Variants in RPL10A observed in about 807,000 individuals in gnomAD.
The protein encoded by RPL10A is ribosomal protein L10a.
Under a neutral mutation model 24.6 loss-of-function variants are expected in RPL10A, and 11 were observed. That is an observed-to-expected ratio of 0.45 (90% CI 0.28 to 0.74). RPL10A has a LOEUF of 0.74. Ranked by LOEUF, RPL10A falls within the 30% of genes least tolerant of loss-of-function variation. The probability of loss-of-function intolerance (pLI) is 0.13; values close to 1 mark genes in which losing one functional copy is unlikely to be tolerated. For synonymous variants in RPL10A, 98 were observed against 108.5 expected, an observed-to-expected ratio of 0.90 and a Z score of 0.60; for missense variants, 136 against 273.1, an observed-to-expected ratio of 0.50 and a Z score of 3.54.
rs775452547 is a variant in RPL10A at position 35,470,479 on chromosome 6, C to T, written c.484-101C>T. 2.7e-6 allele frequency: 4 copies of T among 1,497,796 alleles called. No individual in the cohort carries two copies. The highest frequency in any genetic ancestry group is 1.8e-6 in the Non-Finnish European group (2 of 1,097,076). 92.8% of individuals were successfully genotyped at this position (1,497,796 alleles called of 1,614,324 possible). ...CTTTTGGAGTAACCCTGGTCTTGGC[C>T]CGGGTCCAAGTACCTGCTCACCAGG... On this transcript the variant is annotated intron_variant, in intron 5 of 5. Coordinates refer to ENST00000322203, the MANE Select transcript of RPL10A (RefSeq NM_007104.5). This position sits in a 1 kb window ranked among gnomAD's most constrained non-coding sequence, Gnocchi z 4.6.
At chr6:35,469,641 C>A in intron 4 of RPL10A, 112 bp downstream of exon 4, 1 of 1,276,932 alleles carries the variant, frequency 7.8e-7, no homozygotes, top group Non-Finnish European at 1.1e-6. Flanking sequence ...AGCAAAGGAT[C>A]GGCGGTGGTT....
chr6:35,469,070 G>A lies in RPL10A; in HGVS notation c.161+43G>A, dbSNP rs964893929. On this transcript the variant is annotated intron_variant, in intron 3 of 5. Transcript: ENST00000322203. ...CCCACCCAGCCCTCAGTGCCCCCGT[G>A]CTTGCCCCTCCCCTGCAGGCTCCCG... 2.5e-6 allele frequency: 4 copies of A among 1,606,554 alleles called. No individual in the cohort carries two copies. In the African/African-American group the frequency reaches 4.0e-5, roughly 16 times the overall value.
intron 3 of RPL10A, 54 bp downstream of exon 3, chr6:35,469,081 C>T: frequency 1.2e-6 from 2 of 1,601,962 alleles, no homozygotes; most frequent in Non-Finnish European, 1.7e-6. Context: ...CTTGCCCCTC[C>T]CCTGCAGGCT....
chr6:35,469,885 T>C (rs1037412924), intron 4 of RPL10A, among the ~76,000 whole-genome samples: 2 of 152,118 alleles, frequency 1.3e-5, no homozygotes, highest in African/African-American at 4.8e-5. Context: ...AGCTAAGAAA[T>C]AGGCAGAATT....
chr6:35,470,773 T>G lies in RPL10A; in HGVS notation c.*23T>G, dbSNP rs750162268. 3 of 1,596,120 alleles carry G rather than the reference T, an allele frequency of 1.9e-6. No individual in the cohort carries two copies. The highest frequency in any genetic ancestry group is 2.5e-6 in the Non-Finnish European group (3 of 1,177,338). ...TAAGGCACATTTGAATAAATTCTAT[T>G]ACCAGTTCCCTCTGTCTGCCTGTGA... On this transcript the variant is annotated 3_prime_UTR_variant, in exon 6 of 6. Coordinates refer to ENST00000322203, the MANE Select transcript of RPL10A (RefSeq NM_007104.5). The surrounding 1 kb of genome is among the most constrained non-coding windows in gnomAD (Gnocchi z 4.6).
intron 1 of RPL10A, 160 bp from the exon 2 acceptor site, chr6:35,468,633 TTGGGTC>T: frequency 6.6e-7 from 1 of 1,521,276 alleles, no homozygotes; most frequent in South Asian, 1.2e-5. Flanking sequence ...CCACCGGGGC[TTGGGTC>T]TGGGTCTGAG....
At chr6:35,469,129 G>A in intron 3 of RPL10A, 102 bp downstream of exon 3, 3 of 1,546,934 alleles carry the variant, frequency 1.9e-6, no homozygotes, top group African/African-American at 1.4e-5. Flanking sequence ...GTACTGATGT[G>A]CTAGGGTAGT....
At position 35,468,507 on chromosome 6, in the gene RPL10A, T is replaced by A. The variant is rs1767912452; in HGVS notation, c.5+68T>A. On this transcript the variant is annotated intron_variant, in intron 1 of 5. Transcript: ENST00000322203. The stretch of plus-strand genomic sequence containing the variant: ...TCAGGTGCCCCGCCGAGGGTTCGGA[T>A]CCTGTAGGCCGCGCCGCGGACCCTT... 3.1e-6 allele frequency: 5 copies of A among 1,611,110 alleles called. No homozygotes were observed. In the African/African-American group the frequency reaches 4.1e-5, roughly 13 times the overall value.
chr6:35,470,168 C>G lies in RPL10A; in HGVS notation c.311-11C>G. ...TTCTAAGCAATGCCAATGGCTTCCTCTCTCTATCAGCCAAGAAGTATGATG... is the reference window on the plus strand; with the variant it reads ...TTCTAAGCAATGCCAATGGCTTCCTGTCTCTATCAGCCAAGAAGTATGATG... On this transcript the variant is annotated splice_polypyrimidine_tract_variant and intron_variant, in intron 4 of 5. Coordinates refer to ENST00000322203, the MANE Select transcript of RPL10A (RefSeq NM_007104.5). The surrounding 1 kb of genome is among the most constrained non-coding windows in gnomAD (Gnocchi z 4.6). 1.2e-6 allele frequency: 2 copies of G among 1,609,052 alleles called. No individual in the cohort carries two copies. The highest frequency in any genetic ancestry group is 1.7e-6 in the Non-Finnish European group (2 of 1,176,504).
rs2150908183 is a variant in RPL10A, at chr6:35,470,471, G to T, written c.484-109G>T. The T allele has an allele frequency of 2.0e-6, 3 of 1,494,794 alleles. No individual in the cohort carries two copies. Among genetic ancestry groups the T allele is most frequent in the Admixed American group, 1.9e-5 (1 of 54,026 alleles). 92.6% of individuals were successfully genotyped at this position (1,494,794 alleles called of 1,614,324 possible). On this transcript the variant is annotated intron_variant, in intron 5 of 5. Coordinates refer to ENST00000322203, the MANE Select transcript of RPL10A (RefSeq NM_007104.5). The surrounding 1 kb of genome is among the most constrained non-coding windows in gnomAD (Gnocchi z 4.6). ...GATTGAAACTTTTGGAGTAACCCTG[G>T]TCTTGGCCCGGGTCCAAGTACCTGC... is the stretch of plus-strand genomic sequence containing the variant.
intron 1 of RPL10A, 39 bp downstream of exon 1, chr6:35,468,478 G>C: frequency 1.2e-6 from 2 of 1,613,684 alleles, no homozygotes; most frequent in South Asian, 1.1e-5. Flanking sequence ...GTTCATCCGC[G>C]CCTTCAGGTG....
Position 35,469,405 on chromosome 6 carries a change from G to C in RPL10A, c.186G>C (p.Lys62Asn). 1 of 1,611,360 alleles carries C rather than the reference G, an allele frequency of 6.2e-7. No individual in the cohort carries two copies. Among genetic ancestry groups the C allele is most frequent in the South Asian group, 1.1e-5 (1 of 90,834 alleles). Reference protein sequence around the residue: ...TVRLKSTPRPKFSVCVLGDQQ... With the variant: ...TVRLKSTPRPNFSVCVLGDQQ... ...GGCTTAAGTCCACTCCCCGCCCTAA[G>C]TTCTCTGTGTGTGTCCTGGGGGACC... The change falls in exon 4 of 6, where the codon AAG (lysine) becomes AAC (asparagine). Residue 62 changes from lysine to asparagine, a missense_variant. Physicochemically the swap from Lys to Asn is moderately conservative, Grantham distance 94 (BLOSUM62 0). Transcript: ENST00000322203.
Position 35,468,940 on chromosome 6 carries a change from C to T in RPL10A, c.81-7C>T. 1.2e-6 allele frequency: 2 copies of T among 1,613,962 alleles called. No individual in the cohort carries two copies. Among genetic ancestry groups the T allele is most frequent in the South Asian group, 2.2e-5 (2 of 91,080 alleles). On this transcript the variant is annotated splice_region_variant and splice_polypyrimidine_tract_variant and intron_variant, in intron 2 of 5. Coordinates refer to ENST00000322203, the MANE Select transcript of RPL10A (RefSeq NM_007104.5). The stretch of plus-strand genomic sequence containing the variant: ...GGCGGGTGCTTAACCCCCCTCCTCT[C>T]TCGAAGGTTCCTGGAGACGGTGGAG...
chr6:35,469,679 C>G (rs1767984852), intron 4 of RPL10A, 150 bp downstream of exon 4: 1 of 927,474 alleles, frequency 1.1e-6, no homozygotes, highest in South Asian at 1.8e-5. Context: ...GCTGTTTTAG[C>G]TTTGGGGTGG....
rs761240668 is a variant in RPL10A, at chr6:35,468,969, C to A, written c.103C>A (p.Gln35Lys). The A allele has an allele frequency of 1.2e-6, 2 of 1,613,896 alleles. No homozygotes were observed. The highest frequency in any genetic ancestry group is 2.2e-5 in the South Asian group (2 of 91,076). Residue 35 changes from glutamine to lysine, a missense_variant, in exon 3 of 6, where the codon CAG becomes AAG. Coordinates refer to ENST00000322203, the MANE Select transcript of RPL10A (RefSeq NM_007104.5). ...RRKFLETVEL[Q>K]ISLKNYDPQK... ...AAGGTTCCTGGAGACGGTGGAGTTG[C>A]AGATCAGCTTGAAGAACTATGATCC... is the stretch of plus-strand genomic sequence containing the variant.
At chr6:35,469,240 C>A in intron 3 of RPL10A, 141 bp from the exon 4 acceptor site, 1 of 1,491,284 alleles carries the variant, frequency 6.7e-7, no homozygotes. Flanking sequence ...GCCCGCCGGC[C>A]AGCCTGAGAA....
chr6:35,468,610 G>A, intron 1 of RPL10A, 171 bp downstream of exon 1: 2 of 1,538,304 alleles, frequency 1.3e-6, no homozygotes, highest in Non-Finnish European at 8.7e-7. Context: ...CGATCACTGA[G>A]AGCCTCCCTC....
chr6:35,468,977 C>G lies in RPL10A; in HGVS notation c.111C>G (p.Ser37Arg). The G allele has an allele frequency of 6.2e-7, 1 of 1,613,788 alleles. No individual in the cohort carries two copies. Among genetic ancestry groups the G allele is most frequent in the Non-Finnish European group, 8.5e-7 (1 of 1,179,928 alleles). The change falls in exon 3 of 6, where the codon AGC becomes AGG. Residue 37 changes from serine to arginine, a missense_variant. Physicochemically the swap from Ser to Arg is moderately radical, Grantham distance 110. This residue lies in a region of RPL10A where 88 missense variants were observed against 149.2 expected (regional missense o/e 0.59). Coordinates refer to ENST00000322203, the MANE Select transcript of RPL10A (RefSeq NM_007104.5). ...KFLETVELQI[S>R]LKNYDPQKDK... ...TGGAGACGGTGGAGTTGCAGATCAG[C>G]TTGAAGAACTATGATCCCCAGAAGG...
rs767023595 is a variant in RPL10A at position 35,470,668 on chromosome 6, T to G, written c.572T>G (p.Val191Gly). 1 of 1,612,940 alleles carries G rather than the reference T, an allele frequency of 6.2e-7. No homozygotes were observed. The highest frequency in any genetic ancestry group is 1.7e-5 in the Admixed American group (1 of 60,014). Residue 191 changes from valine to glycine, a missense_variant, in exon 6 of 6, where the codon GTG becomes GGG. Around this residue, in one of 3 missense-constraint regions of RPL10A, gnomAD observed 48 missense variants for 105.9 expected, o/e 0.45. Coordinates refer to ENST00000322203, the MANE Select transcript of RPL10A (RefSeq NM_007104.5). The surrounding 1 kb of genome is among the most constrained non-coding windows in gnomAD (Gnocchi z 4.6). ...ATTCACCTGGCTGTCAACTTCTTGG[T>G]GTCATTGCTCAAGAAAAACTGGCAG... ...YNIHLAVNFL[V>G]SLLKKNWQNV... is the part of the protein sequence containing the mutation.
Sources: gnomAD v4.1 joint callset for allele counts (sites outside exome capture counted in the v4.1 genomes callset) on GRCh38, gnomAD v4.1.1 for gene constraint, gnomAD v4.1.1 regional missense constraint, Gnocchi (gnomAD v3.1) non-coding constraint, MANE v1.5 for transcripts, NCBI Gene and HGNC (gene_info 2026-07-23, HGNC 2026-07-21) for gene names.